The following SYT1 variants were observed in gnomAD, a reference collection of about 807,000 sequenced individuals.
SYT1 encodes the protein synaptotagmin 1.
In SYT1, 8 loss-of-function variants were observed where a neutral mutation model predicts 44.8. The ratio of observed to expected loss-of-function variants is 0.18; its 90% CI spans 0.10 to 0.32. The LOEUF is 0.32. SYT1 is among the 10% of genes least tolerant of loss of function. The pLI, the probability that SYT1 is intolerant of heterozygous loss-of-function variation, is 1.00. For synonymous variants in SYT1, 154 were observed against 188.8 expected (o/e 0.82, Z 1.51); for missense variants, 286 against 509.3 (o/e 0.56, Z 4.22).
At chr12:79,005,711 G>T (rs1871030568) in intron 2 of SYT1, among the ~76,000 whole-genome samples, 1 of 152,032 alleles carries the variant, frequency 6.6e-6, no homozygotes, top group South Asian at 2.1e-4. Flanking sequence ...AGTTAAACAA[G>T]CATTGGCCAT....
chr12:79,217,155 CA>C (rs1332625684), intron 3 of SYT1, among the ~76,000 whole-genome samples: 1 of 152,024 alleles, frequency 6.6e-6, no homozygotes, highest in Non-Finnish European at 1.5e-5. Flanking sequence ...TGTATTTCAT[CA>C]AGAATTGTTT....
Position 79,449,193 on chromosome 12 carries a change from T to A in SYT1, c.*69T>A. The A allele has an allele frequency of 6.9e-7, 1 of 1,446,942 alleles. No homozygotes were observed. Among genetic ancestry groups the A allele is most frequent in the Non-Finnish European group, 9.4e-7 (1 of 1,059,128 alleles). 89.6% of individuals were successfully genotyped at this position (1,446,942 alleles called of 1,614,324 possible). A position where few individuals can be genotyped will look rare whatever the true frequency, so the allele number is the denominator to read the frequency against. On this transcript the variant is annotated 3_prime_UTR_variant, in exon 11 of 11. Transcript: ENST00000261205. ...TAGCCAGTATCTGTAAATACCTCAG[T>A]AATATGGGTCCTTTCATTTTTCCAG...
chr12:79,075,341 C>G (rs1458558018), intron 3 of SYT1, among the ~76,000 whole-genome samples: 2 of 152,282 alleles, frequency 1.3e-5, no homozygotes, highest in East Asian at 3.9e-4. Flanking sequence ...CTCTCTCTCT[C>G]TCTTTTTTGT....
chr12:78,971,801 A>G (rs890403272), intron 1 of SYT1, among the ~76,000 whole-genome samples: 2 of 152,142 alleles, frequency 1.3e-5, no homozygotes, highest in Admixed American at 1.3e-4. Context: ...CTGAGAATCA[A>G]TAGATATGAA....
intron 9 of SYT1, among the ~76,000 whole-genome samples, chr12:79,443,156 C>T (rs1253379748): frequency 1.3e-5 from 2 of 152,126 alleles, no homozygotes. Flanking sequence ...GATCTTTATG[C>T]TCCTTTTCCC....
intron 8 of SYT1, among the ~76,000 whole-genome samples, chr12:79,331,814 T>C (rs1036620302): frequency 3.3e-5 from 5 of 150,174 alleles, no homozygotes; most frequent in Non-Finnish European, 5.9e-5. Context: ...AATAAAATTA[T>C]AGGTAAAAGC....
chr12:79,178,645 T>C (rs1360638916), intron 3 of SYT1, among the ~76,000 whole-genome samples: 1 of 151,948 alleles, frequency 6.6e-6, no homozygotes, highest in African/African-American at 2.4e-5. Flanking sequence ...GCTATATTTT[T>C]CTTAATAATG....
chr12:79,196,167 TTGTTGTTG>T (rs1220781828), intron 3 of SYT1, among the ~76,000 whole-genome samples: 1 of 71,172 alleles, frequency 1.4e-5, no homozygotes, highest in South Asian at 3.1e-4. Flanking sequence ...GTTGTTGTTG[TTGTTGTTG>T]TTGTTGTTGT....
chr12:79,258,565 G>A (rs763902702), intron 4 of SYT1, among the ~76,000 whole-genome samples: 54 of 152,190 alleles, frequency 3.5e-4, no homozygotes, highest in Non-Finnish European at 6.5e-4. Flanking sequence ...AAGCATGAAA[G>A]TTCAAAGAGC....
At chr12:79,149,040 A>G (rs1870099789) in intron 3 of SYT1, among the ~76,000 whole-genome samples, 1 of 152,160 alleles carries the variant, frequency 6.6e-6, no homozygotes, top group Non-Finnish European at 1.5e-5. Flanking sequence ...GCAAATAAGT[A>G]TAAGAACATT....
chr12:78,920,237 C>A (rs1022679174), intron 1 of SYT1, among the ~76,000 whole-genome samples: 1 of 151,718 alleles, frequency 6.6e-6, no homozygotes, highest in African/African-American at 2.4e-5. Context: ...GACTTCTTAC[C>A]AGAGAAATAA....
intron 9 of SYT1, among the ~76,000 whole-genome samples, chr12:79,439,724 T>G (rs1171822856): frequency 6.6e-6 from 1 of 152,100 alleles, no homozygotes; most frequent in Non-Finnish European, 1.5e-5. Flanking sequence ...TTTCACTACT[T>G]TACAGTTGAG....
intron 1 of SYT1, among the ~76,000 whole-genome samples, chr12:78,919,456 C>A (rs1876858508): frequency 6.6e-6 from 1 of 152,072 alleles, no homozygotes; most frequent in Non-Finnish European, 1.5e-5. Flanking sequence ...TCGATCTGTG[C>A]CACAGCCTTT....
chr12:79,124,004 A>G (rs2138146169), intron 3 of SYT1, among the ~76,000 whole-genome samples: 1 of 152,328 alleles, frequency 6.6e-6, no homozygotes, highest in Non-Finnish European at 1.5e-5. Context: ...TCAAGCACAT[A>G]CTATGCGCCA....
chr12:79,310,322 G>A (rs574904784), intron 8 of SYT1, among the ~76,000 whole-genome samples: 3 of 152,242 alleles, frequency 2.0e-5, no homozygotes, highest in Admixed American at 1.3e-4. Context: ...AGATCAGATA[G>A]TTGTAGATAT....
At chr12:79,252,630 G>A (rs960621973) in intron 4 of SYT1, among the ~76,000 whole-genome samples, 2 of 152,080 alleles carry the variant, frequency 1.3e-5, no homozygotes, top group Non-Finnish European at 2.9e-5. Flanking sequence ...TTTTGCAGGT[G>A]CTCCTGCTCC....
At chr12:79,270,884 A>G (rs1325226884) in intron 4 of SYT1, among the ~76,000 whole-genome samples, 1 of 152,212 alleles carries the variant, frequency 6.6e-6, no homozygotes, top group Non-Finnish European at 1.5e-5. Context: ...TTTATTGAGC[A>G]CTGACTCAGG....
At chr12:79,101,132 G>A (rs1268001305) in intron 3 of SYT1, among the ~76,000 whole-genome samples, 1 of 152,008 alleles carries the variant, frequency 6.6e-6, no homozygotes, top group Non-Finnish European at 1.5e-5. Context: ...TAAAATGTAA[G>A]GTAAGAACAG....
At chr12:78,889,582 A>C (rs552663140) in intron 1 of SYT1, among the ~76,000 whole-genome samples, 1 of 152,082 alleles carries the variant, frequency 6.6e-6, no homozygotes, top group African/African-American at 2.4e-5. Flanking sequence ...TGTGGGAAAG[A>C]GTGTGAGCAA....
Sources: gnomAD v4.1 joint callset for allele counts (sites outside exome capture counted in the v4.1 genomes callset) on GRCh38, gnomAD v4.1.1 for gene constraint, MANE v1.5 for transcripts, NCBI Gene and HGNC (gene_info 2026-07-23, HGNC 2026-07-21) for gene names.